Variants in TOGARAM1 observed in about 807,000 individuals in gnomAD.
TOGARAM1 encodes the protein TOG array regulator of axonemal microtubules protein 1.
A neutral mutation model predicts 166.6 loss-of-function variants in TOGARAM1; 100 were observed. That is an observed-to-expected ratio of 0.60 (90% CI 0.51 to 0.71). The LOEUF (loss-of-function observed/expected upper bound fraction) is 0.71. TOGARAM1 is among the 30% of genes least tolerant of loss of function. The pLI is 0.00. For synonymous variants in TOGARAM1, 758 were observed against 763.8 expected (o/e 0.99, Z 0.13); for missense variants, 2,029 against 2,102.7 (o/e 0.96, Z 0.69).
intron 6 of TOGARAM1, among the ~76,000 whole-genome samples, chr14:45,010,479 A>C (rs1278005358): frequency 6.6e-6 from 1 of 152,162 alleles, no homozygotes; most frequent in Non-Finnish European, 1.5e-5. Context: ...TGAAGATGAA[A>C]ATTTATGTTC....
chr14:44,990,923 A>G (rs187974811), intron 1 of TOGARAM1, among the ~76,000 whole-genome samples: 1 of 143,504 alleles, frequency 7.0e-6, no homozygotes, highest in East Asian at 2.1e-4. Context: ...TGCAGGGATT[A>G]CAGGTGTGAG....
At chr14:45,028,063 C>T in intron 9 of TOGARAM1, 113 bp from the exon 10 acceptor site, 3 of 798,152 alleles carry the variant, frequency 3.8e-6, no homozygotes, top group Admixed American at 5.8e-5. Flanking sequence ...TTCTAGGACA[C>T]ACTTAAGTAG....
At chr14:45,023,780 G>A (rs962491715) in intron 7 of TOGARAM1, among the ~76,000 whole-genome samples, 3 of 151,636 alleles carry the variant, frequency 2.0e-5, no homozygotes, top group Admixed American at 6.6e-5. Context: ...CACTCTTGTC[G>A]CCCAGGCTGT....
chr14:44,994,760 T>C (rs1354495575), intron 1 of TOGARAM1, among the ~76,000 whole-genome samples: 2 of 152,260 alleles, frequency 1.3e-5, no homozygotes, highest in East Asian at 3.9e-4. Flanking sequence ...CATTTCTGGG[T>C]TAGTTTTTGA....
chr14:45,059,069 C>A (rs1436254579), intron 16 of TOGARAM1, among the ~76,000 whole-genome samples: 1 of 152,002 alleles, frequency 6.6e-6, no homozygotes, highest in Non-Finnish European at 1.5e-5. Context: ...CCTCTTTGTT[C>A]TGTTTTTAAA....
Position 45,032,376 on chromosome 14 carries a change from G to A in TOGARAM1, c.3812G>A (p.Trp1271Ter). The change falls in exon 11 of 20, where the codon TGG becomes TAG. Residue 1271 changes from tryptophan to a stop codon, truncating the protein, a stop_gained and splice_region_variant. Coordinates refer to ENST00000361462, the MANE Select transcript of TOGARAM1 (RefSeq NM_001308120.2). LOFTEE classifies it high-confidence loss of function. ...CTGAGGCTTTTGGCTGATGAGGATT[G>A]GTAAGTTCACCATCCTTAACTTAAA... ...EALRLLADED[W>*]EKKIEGLNFI... The A allele has an allele frequency of 6.2e-7, 1 of 1,612,590 alleles. No individual in the cohort carries two copies. Among genetic ancestry groups the A allele is most frequent in the Non-Finnish European group, 8.5e-7 (1 of 1,179,570 alleles).
At chr14:44,980,507 C>T (rs1399176890) in intron 1 of TOGARAM1, among the ~76,000 whole-genome samples, 1 of 152,144 alleles carries the variant, frequency 6.6e-6, no homozygotes, top group Non-Finnish European at 1.5e-5. Context: ...ATAGTGAAAC[C>T]TTGTCTCTAG....
intron 16 of TOGARAM1, among the ~76,000 whole-genome samples, chr14:45,064,872 G>C (rs1395820383): frequency 6.6e-6 from 1 of 151,918 alleles, no homozygotes; most frequent in East Asian, 1.9e-4. Context: ...GTATAAGATT[G>C]ATTGAGAGGT....
intron 3 of TOGARAM1, among the ~76,000 whole-genome samples, chr14:45,002,045 T>C (rs542059396): frequency 5.9e-5 from 9 of 152,334 alleles, no homozygotes; most frequent in African/African-American, 1.9e-4. Context: ...GATATACTTA[T>C]TTATTTATGA....
intron 13 of TOGARAM1, 117 bp downstream of exon 13, chr14:45,044,987 A>T: frequency 3.0e-6 from 2 of 673,018 alleles, no homozygotes; most frequent in South Asian, 4.5e-5. Flanking sequence ...ACATTTATTA[A>T]AAAGTTCCTA....
chr14:44,990,953 CTTTTTTTTTTTT>C (rs1171702041), intron 1 of TOGARAM1, among the ~76,000 whole-genome samples: 1 of 74,200 alleles, frequency 1.3e-5, no homozygotes, highest in African/African-American at 7.2e-5. Context: ...CCAGCTGAGG[CTTTTTTTTTTTT>C]TTTTTTTTTT....
chr14:45,034,108 G>A (rs1166685004), intron 11 of TOGARAM1, among the ~76,000 whole-genome samples: 4 of 152,160 alleles, frequency 2.6e-5, no homozygotes, highest in Admixed American at 6.5e-5. Flanking sequence ...AGTGAACCGA[G>A]ATCATGTCAC....
rs541141444 is a variant in TOGARAM1 at position 44,998,420 on chromosome 14, T to C, written c.2204-943T>C. On this transcript the variant is annotated intron_variant, in intron 2 of 19. Coordinates refer to ENST00000361462, the MANE Select transcript of TOGARAM1 (RefSeq NM_001308120.2). ...GCAGAAAAGAGATTGAGCTTGACTT[T>C]AAAGGAGGGAGAGGCTGGGCGCTGT... Among the ~76,000 whole-genome samples the C allele has an allele frequency of 3.3e-5, 5 of 152,288 alleles. No homozygotes were observed. In the South Asian group the frequency reaches 1.0e-3, roughly 32 times the overall value.
chr14:45,056,592 C>A (rs1442321992), intron 16 of TOGARAM1, among the ~76,000 whole-genome samples: 1 of 152,060 alleles, frequency 6.6e-6, no homozygotes, highest in African/African-American at 2.4e-5. Flanking sequence ...TGAATTTTAT[C>A]AAATGCTTTT....
Position 44,964,368 on chromosome 14 carries a change from A to G in TOGARAM1, c.1947A>G (p.Val649=). The part of the protein sequence containing the change: ...SYSPTICTRR[V]LSAGKGKNKL... ...GCCCAACTATCTGTACCCGAAGGGT[A>G]TTAAGTGCAGGAAAAGGAAAAAATA... The change falls in exon 1 of 20, where the codon GTA becomes GTG. Residue 649 remains valine, a synonymous_variant. Transcript: ENST00000361462. 1 of 1,614,170 alleles carries G rather than the reference A, an allele frequency of 6.2e-7. No homozygotes were observed. The highest frequency in any genetic ancestry group is 8.5e-7 in the Non-Finnish European group (1 of 1,180,010).
At chr14:44,998,863 A>G (rs1270840880) in intron 2 of TOGARAM1, among the ~76,000 whole-genome samples, 1 of 152,164 alleles carries the variant, frequency 6.6e-6, no homozygotes, top group African/African-American at 2.4e-5. Context: ...GGAAACAGGA[A>G]ACATATCTGG....
At position 45,014,533 on chromosome 14, in the gene TOGARAM1, T is replaced by A. The variant is rs573769895; in HGVS notation, c.3238+2458T>A. Reference sequence around the variant, plus strand: ...GGATTTTATATATTTGGGTTTGCTTTGTTTTCAGTAAACAAGTGATTCCTA... The same window carrying A: ...GGATTTTATATATTTGGGTTTGCTTAGTTTTCAGTAAACAAGTGATTCCTA... On this transcript the variant is annotated intron_variant, in intron 7 of 19. Transcript: ENST00000361462. 6.4e-4 allele frequency among the ~76,000 whole-genome samples: 97 copies of A among 152,370 alleles called. No homozygotes were observed. The South Asian group carries it at 0.01, about 16-fold the overall frequency.
At chr14:45,053,814 G>T (rs1223928442) in intron 15 of TOGARAM1, among the ~76,000 whole-genome samples, 2 of 152,036 alleles carry the variant, frequency 1.3e-5, no homozygotes, top group African/African-American at 4.8e-5. Context: ...TATGGACTGT[G>T]TTCATATATT....
chr14:44,986,796 G>A (rs1886826578), intron 1 of TOGARAM1, among the ~76,000 whole-genome samples: 1 of 151,400 alleles, frequency 6.6e-6, no homozygotes. Flanking sequence ...CACGAGGTCA[G>A]GAGATTGAGA....
Sources: allele counts gnomAD v4.1 joint callset (sites outside exome capture counted in the v4.1 genomes callset), GRCh38; gene constraint gnomAD v4.1.1; transcripts MANE v1.5; gene names NCBI Gene and HGNC (gene_info 2026-07-23, HGNC 2026-07-21).